The following EPS15 variants were observed in gnomAD, a reference collection of about 807,000 sequenced individuals.
The protein encoded by EPS15 is epidermal growth factor receptor pathway substrate 15.
In EPS15, 72 loss-of-function variants were observed where a neutral mutation model predicts 113.8. That is an observed-to-expected ratio of 0.63 (90% CI 0.52 to 0.77). The LOEUF (loss-of-function observed/expected upper bound fraction) is 0.77, where lower values mean the gene tolerates loss of function less well. EPS15 is among the 30% of genes least tolerant of loss of function. The pLI, the probability that EPS15 is intolerant of heterozygous loss-of-function variation, is 0.00. For missense variants in EPS15, 1,048 were observed against 1,045.8 expected, an observed-to-expected ratio of 1.00 and a Z score of -0.03; for synonymous variants, 344 against 363.4, an observed-to-expected ratio of 0.95 and a Z score of 0.61.
At chr1:51,495,538 C>A (rs1644311014) in intron 1 of EPS15, among the ~76,000 whole-genome samples, 1 of 151,726 alleles carries the variant, frequency 6.6e-6, no homozygotes, top group African/African-American at 2.4e-5. Context: ...TATGCCCATA[C>A]AAATTTTTCA....
At chr1:51,400,733 A>AAAAAAAAAAAAAAAAAAAAAAAG (rs1553120052) in intron 19 of EPS15, among the ~76,000 whole-genome samples, 185 bp downstream of exon 19, 1 of 147,762 alleles carries the variant, frequency 6.8e-6, no homozygotes, top group Non-Finnish European at 1.5e-5. Flanking sequence ...AAAAAAAAAA[A>AAAAAAAAAAAAAAAAAAAAAAAG]AAGAAGAAGT....
intron 18 of EPS15, among the ~76,000 whole-genome samples, chr1:51,402,169 C>CACATACATACATACATACATACATACAT (rs537916848): frequency 6.4e-4 from 97 of 150,614 alleles, no homozygotes; most frequent in African/African-American, 2.3e-3. Context: ...AATAAATACA[C>CACATACATACATACATACATACATACAT]ACATACATAC....
intron 18 of EPS15, among the ~76,000 whole-genome samples, chr1:51,401,749 T>C (rs1358409299): frequency 1.3e-5 from 2 of 152,204 alleles, no homozygotes; most frequent in Admixed American, 6.5e-5. Flanking sequence ...ACACCTGTAA[T>C]CCCAGCACTT....
intron 1 of EPS15, among the ~76,000 whole-genome samples, chr1:51,517,091 C>T (rs1190080716): frequency 1.3e-5 from 2 of 152,200 alleles, no homozygotes; most frequent in Admixed American, 6.5e-5. Flanking sequence ...TTAAAAACCA[C>T]AAATCTGCAA....
At chr1:51,368,518 C>T (rs1241850378) in intron 21 of EPS15, among the ~76,000 whole-genome samples, 1 of 152,162 alleles carries the variant, frequency 6.6e-6, no homozygotes, top group Non-Finnish European at 1.5e-5. Flanking sequence ...GAATCCTCAG[C>T]CTAGGGCCCA....
intron 19 of EPS15, among the ~76,000 whole-genome samples, chr1:51,400,292 C>T (rs1362531823): frequency 6.6e-6 from 1 of 152,148 alleles, no homozygotes; most frequent in Non-Finnish European, 1.5e-5. Context: ...ACATTCTAAA[C>T]CCTGAAGCAG....
chr1:51,484,645 A>G (rs1342772116), intron 1 of EPS15, among the ~76,000 whole-genome samples: 1 of 152,228 alleles, frequency 6.6e-6, no homozygotes, highest in African/African-American at 2.4e-5. Context: ...CAGATTCAAC[A>G]AAACAACTTC....
chr1:51,355,784 G>A lies in EPS15; in HGVS notation c.*916C>T. 5.1e-6 allele frequency: 1 copy of A among 194,408 alleles called. No homozygotes were observed. Among genetic ancestry groups the A allele is most frequent in the Non-Finnish European group, 1.1e-5 (1 of 93,908 alleles). 12.0% of individuals were successfully genotyped at this position (194,408 alleles called of 1,614,324 possible). ...GTTCTAGCTTGCTGAAGTTTCTTCTGCAAAAGTACAAAAATTAACCCACTA... is the reference window on the plus strand; with the variant it reads ...GTTCTAGCTTGCTGAAGTTTCTTCTACAAAAGTACAAAAATTAACCCACTA... On this transcript the variant is annotated 3_prime_UTR_variant, in exon 25 of 25. Transcript: ENST00000371733.
At chr1:51,455,058 T>G (rs77488555) in intron 8 of EPS15, among the ~76,000 whole-genome samples, 4 of 152,144 alleles carry the variant, frequency 2.6e-5, no homozygotes, top group Admixed American at 2.6e-4. Flanking sequence ...ACAAAAATCA[T>G]GAGCATAGGC....
intron 21 of EPS15, among the ~76,000 whole-genome samples, chr1:51,380,320 G>C (rs548712557): frequency 1.3e-5 from 2 of 152,134 alleles, no homozygotes; most frequent in South Asian, 4.1e-4. Flanking sequence ...AGTTTTCTCT[G>C]ATAAAGGTAA....
At chr1:51,445,069 G>A (rs749976007) in intron 10 of EPS15, 24 bp from the exon 11 acceptor site, 2 of 1,591,992 alleles carry the variant, frequency 1.3e-6, no homozygotes, top group Non-Finnish European at 1.7e-6. Flanking sequence ...CAAAATGAAT[G>A]GTATGTAAGT....
chr1:51,432,118 T>C (rs1651780635), intron 12 of EPS15, among the ~76,000 whole-genome samples: 1 of 151,834 alleles, frequency 6.6e-6, no homozygotes, highest in South Asian at 2.1e-4. Context: ...CCTCCAGGAG[T>C]TGAAATTTCT....
chr1:51,447,593 A>G (rs1440078561), intron 9 of EPS15, among the ~76,000 whole-genome samples: 1 of 152,210 alleles, frequency 6.6e-6, no homozygotes, highest in Non-Finnish European at 1.5e-5. Context: ...CCAGAATTCA[A>G]TAATTTGATC....
chr1:51,377,937 C>G (rs1646842188), intron 21 of EPS15, among the ~76,000 whole-genome samples: 1 of 150,980 alleles, frequency 6.6e-6, no homozygotes, highest in African/African-American at 2.4e-5. Flanking sequence ...CTCTTGTTGC[C>G]CAGGCTGGAG....
chr1:51,453,054 C>A (rs928451371), intron 8 of EPS15, among the ~76,000 whole-genome samples: 5 of 152,188 alleles, frequency 3.3e-5, no homozygotes, highest in Admixed American at 3.3e-4. Flanking sequence ...TAGAAACACA[C>A]AAACTTTTTA....
rs147955854 is a variant in EPS15, at chr1:51,356,874, C to T, written c.2545-28G>A. On this transcript the variant is annotated intron_variant, in intron 24 of 24. Coordinates refer to ENST00000371733, the MANE Select transcript of EPS15 (RefSeq NM_001981.3). ...GCCATTTAAAAGATCGATGAACAAACGAATAAATAAATGAGTAAAGCAAGT... is the reference window on the plus strand; with the variant it reads ...GCCATTTAAAAGATCGATGAACAAATGAATAAATAAATGAGTAAAGCAAGT... 1.1e-4 allele frequency: 175 copies of T among 1,585,700 alleles called. 1 individual carries two copies. The African/African-American group carries it at 1.9e-3, about 17-fold the overall frequency.
chr1:51,466,169 CA>C (rs1030161585), intron 5 of EPS15, among the ~76,000 whole-genome samples: 1 of 148,944 alleles, frequency 6.7e-6, no homozygotes. Context: ...TAGGTAAGAA[CA>C]AAAAAAATCG....
At chr1:51,448,614 T>C (rs1044559237) in intron 8 of EPS15, among the ~76,000 whole-genome samples, 4 of 152,180 alleles carry the variant, frequency 2.6e-5, no homozygotes, top group African/African-American at 7.2e-5. Flanking sequence ...GTTAAAACTA[T>C]ACTGAAATAC....
intron 20 of EPS15, among the ~76,000 whole-genome samples, chr1:51,395,762 C>T (rs1647874531): frequency 6.6e-6 from 1 of 152,150 alleles, no homozygotes; most frequent in Admixed American, 6.5e-5. Context: ...TGGCACCAGG[C>T]TCTTTTTAAG....
Sources: allele counts gnomAD v4.1 joint callset (sites outside exome capture counted in the v4.1 genomes callset), GRCh38; gene constraint gnomAD v4.1.1; transcripts MANE v1.5; gene names NCBI Gene and HGNC (gene_info 2026-07-23, HGNC 2026-07-21).